Variants in SF3B3 observed in about 807,000 individuals in gnomAD.
SF3B3 encodes splicing factor 3b subunit 3, also known as SAP 130.
SF3B3 carries 33 observed loss-of-function variants against 139.2 expected under a neutral mutation model. The observed-to-expected ratio is 0.24, with a 90% CI of 0.18 to 0.32. The LOEUF is 0.32. Ranked by LOEUF, SF3B3 falls within the 10% of genes least tolerant of loss-of-function variation. The pLI is 1.00. For synonymous variants in SF3B3, 596 were observed against 563.6 expected (o/e 1.06, Z -0.81); for missense variants, 818 against 1,509.4 (o/e 0.54, Z 7.59).
intron 2 of SF3B3, among the ~76,000 whole-genome samples, chr16:70,527,281 G>T (rs1000856438): frequency 6.6e-6 from 1 of 152,216 alleles, no homozygotes; most frequent in African/African-American, 2.4e-5. Flanking sequence ...GGTTTGAATT[G>T]TGTGAAATTT....
Position 70,560,069 on chromosome 16 carries a change from C to A in SF3B3, c.2011-400C>A, listed in dbSNP as rs535751770. Reference sequence around the variant, plus strand: ...TATCCCCACATGTGTCTGGAACATTCTTGCCCCTGCCCCAAACTAGTCATT... The same window carrying A: ...TATCCCCACATGTGTCTGGAACATTATTGCCCCTGCCCCAAACTAGTCATT... On this transcript the variant is annotated intron_variant, in intron 15 of 25. Coordinates refer to ENST00000302516, the MANE Select transcript of SF3B3 (RefSeq NM_012426.5). 1.8e-4 allele frequency among the ~76,000 whole-genome samples: 28 copies of A among 152,306 alleles called. 1 individual carries two copies. Among genetic ancestry groups the A allele is most frequent in the Admixed American group, 1.7e-3 (26 of 15,302 alleles).
At chr16:70,557,955 A>G (rs182856832) in intron 15 of SF3B3, among the ~76,000 whole-genome samples, 8 of 152,234 alleles carry the variant, frequency 5.3e-5, no homozygotes, top group African/African-American at 1.9e-4. Context: ...CTTTCCCCCA[A>G]TGTGGCTTTA....
At chr16:70,561,461 A>T in intron 16 of SF3B3, 169 bp from the exon 17 acceptor site, 1 of 617,806 alleles carries the variant, frequency 1.6e-6, no homozygotes, top group East Asian at 2.7e-5. Context: ...ATGCTAAGCC[A>T]TAGTGCCTCT....
At position 70,523,938 on chromosome 16, in the gene SF3B3, CAGCCTGGAGACTTCCCCGGG is replaced by C. The variant is rs1375215227; in HGVS notation, c.-71+11_-71+30del. ...TCCTTCTCGCTGCAGGGTAAAAAAA[CAGCCTGGAGACTTCCCCGGG>C]CCCGGGGAGGCGGAGACCGGCCATA... On this transcript the variant is annotated intron_variant, in intron 1 of 25. Transcript: ENST00000302516. The C allele has an allele frequency of 1.8e-5, 8 of 434,254 alleles. No homozygotes were observed. The highest frequency in any genetic ancestry group is 2.8e-5 in the Non-Finnish European group (7 of 246,952). The allele number at this position is 434,254 out of a possible 1,614,324, so 26.9% of individuals were successfully genotyped here.
In SF3B3 at chr16:70,557,004, T is replaced by G; in HGVS notation, c.1985T>G (p.Phe662Cys). The G allele has an allele frequency of 6.2e-7, 1 of 1,612,672 alleles. No homozygotes were observed. ...CTGGGTGAGAGGGGCTCGATTGGCT[T>G]CCTATACCTGAATATTGGGCTACAG... ...DELGERGSIGFLYLNIGLQNG... is the reference protein window; with the variant it reads ...DELGERGSIGCLYLNIGLQNG... Residue 662 changes from phenylalanine to cysteine, a missense_variant, in exon 15 of 26, where the codon TTC becomes TGC. By Grantham distance (205) the Phe-to-Cys change is radical (BLOSUM62 -2). Coordinates refer to ENST00000302516, the MANE Select transcript of SF3B3 (RefSeq NM_012426.5).
In SF3B3 at chr16:70,535,416, G is replaced by A; in HGVS notation, c.821G>A (p.Arg274Lys). 6.4e-7 allele frequency: 1 copy of A among 1,571,916 alleles called. No homozygotes were observed. The highest frequency in any genetic ancestry group is 8.7e-7 in the Non-Finnish European group (1 of 1,144,188). The change falls in exon 6 of 26, where the codon AGG becomes AAG. Residue 274 changes from arginine to lysine, a missense_variant. This residue lies in a region of SF3B3 where 80 missense variants were observed against 206.5 expected (regional missense o/e 0.39). Coordinates refer to ENST00000302516, the MANE Select transcript of SF3B3 (RefSeq NM_012426.5). ...QPDIRCPIPR[R>K]RNDLDDPERG... Reference sequence around the variant, plus strand: ...GATATCCGCTGTCCAATTCCCAGGAGGCGGGTAAGATCTTTGATATAAGAA... The same window carrying A: ...GATATCCGCTGTCCAATTCCCAGGAAGCGGGTAAGATCTTTGATATAAGAA...
chr16:70,548,457 C>T lies in SF3B3; in HGVS notation c.1402+15C>T, dbSNP rs770674418. The T allele has an allele frequency of 6.2e-7, 1 of 1,611,362 alleles. No homozygotes were observed. Among genetic ancestry groups the T allele is most frequent in the South Asian group, 1.1e-5 (1 of 91,024 alleles). ...ACACATTGAAGGTAAGCAGCTTTTT[C>T]CCAATAGTCAAAATGAGGATCTAGG... On this transcript the variant is annotated intron_variant, in intron 11 of 25. Transcript: ENST00000302516.
At chr16:70,555,586 A>G (rs1567420089) in intron 13 of SF3B3, among the ~76,000 whole-genome samples, 1 of 151,944 alleles carries the variant, frequency 6.6e-6, no homozygotes, top group Non-Finnish European at 1.5e-5. Context: ...AATTCTAGGT[A>G]GAGTTATGAA....
In SF3B3 at chr16:70,526,602, T is replaced by TA. The variant is rs1194063770; in HGVS notation, c.-54dup. On this transcript the variant is annotated 5_prime_UTR_variant, in exon 2 of 26. Transcript: ENST00000302516. ...GTTTTCTTAGCTTTCTTGGACTCCGTACTGTTGGTGTAACCAAGGCCTGGA... is the reference window on the plus strand; with the variant it reads ...GTTTTCTTAGCTTTCTTGGACTCCGTAACTGTTGGTGTAACCAAGGCCTGGA... 114 of 1,257,286 alleles carry TA rather than the reference T, an allele frequency of 9.1e-5. No individual in the cohort carries two copies. The highest frequency in any genetic ancestry group is 1.3e-4 in the Non-Finnish European group (112 of 864,602). The allele number at this position is 1,257,286 out of a possible 1,614,324, so 77.9% of individuals were successfully genotyped here.
In SF3B3 at chr16:70,532,601, C is replaced by T. The variant is rs1306125288; in HGVS notation, c.693C>T (p.His231=). 15 of 1,614,102 alleles carry T rather than the reference C, an allele frequency of 9.3e-6. No individual in the cohort carries two copies. The highest frequency in any genetic ancestry group is 6.7e-5 in the East Asian group (3 of 44,872). Residue 231 remains histidine, a synonymous_variant, in exon 5 of 26, where the codon CAC becomes CAT. Coordinates refer to ENST00000302516, the MANE Select transcript of SF3B3 (RefSeq NM_012426.5). The part of the protein sequence containing the change: ...VRKYSEPLEE[H]GNFLITVPGG... ...AATACAGTGAACCTTTGGAGGAACACGGCAACTTCCTTATTACAGGTACTT... is the reference window on the plus strand; with the variant it reads ...AATACAGTGAACCTTTGGAGGAACATGGCAACTTCCTTATTACAGGTACTT...
Position 70,541,828 on chromosome 16 carries a change from T to C in SF3B3, c.1227T>C (p.Phe409=), listed in dbSNP as rs2050221068. ...DELDSLSPIL[F]CQIADLANED... ...TGGACAGCCTCTCTCCCATTCTGTT[T>C]TGCCAGGTTGGTGGGCCTTTCCAGC... Residue 409 remains phenylalanine, a synonymous_variant, in exon 9 of 26, where the codon TTT becomes TTC. Coordinates refer to ENST00000302516, the MANE Select transcript of SF3B3 (RefSeq NM_012426.5). The C allele has an allele frequency of 6.2e-7, 1 of 1,613,288 alleles. No homozygotes were observed. The highest frequency in any genetic ancestry group is 8.5e-7 in the Non-Finnish European group (1 of 1,179,434).
At chr16:70,530,942 G>A (rs774023066) in intron 4 of SF3B3, 25 bp downstream of exon 4, 17 of 1,576,592 alleles carry the variant, frequency 1.1e-5, no homozygotes, top group South Asian at 3.5e-5. Flanking sequence ...GTCTCTTTGC[G>A]TTTCTTTCAG....
In SF3B3 at chr16:70,548,458, C is replaced by A. The variant is rs1218823322; in HGVS notation, c.1402+16C>A. On this transcript the variant is annotated intron_variant, in intron 11 of 25. Transcript: ENST00000302516. ...CACATTGAAGGTAAGCAGCTTTTTC[C>A]CAATAGTCAAAATGAGGATCTAGGT... 1.2e-6 allele frequency: 2 copies of A among 1,611,064 alleles called. No individual in the cohort carries two copies. The highest frequency in any genetic ancestry group is 3.3e-5 in the Admixed American group (2 of 60,010).
intron 1 of SF3B3, among the ~76,000 whole-genome samples, chr16:70,525,830 G>A (rs2050056901): frequency 6.6e-6 from 1 of 151,548 alleles, no homozygotes. Context: ...GTGTGGTGGC[G>A]GGCGCCTGTT....
chr16:70,565,279 C>T lies in SF3B3; in HGVS notation c.2669+9C>T, dbSNP rs769639693. On this transcript the variant is annotated intron_variant, in intron 19 of 25. Coordinates refer to ENST00000302516, the MANE Select transcript of SF3B3 (RefSeq NM_012426.5). ...AATGAGGCAGCTTTTAGGTAAGCAG[C>T]CCAGGACAGTCCAGGGTTTGGCAGG... is the stretch of plus-strand genomic sequence containing the variant. 1.9e-6 allele frequency: 3 copies of T among 1,614,096 alleles called. No homozygotes were observed. The highest frequency in any genetic ancestry group is 1.1e-5 in the South Asian group (1 of 91,084).
At chr16:70,540,957 T>C (rs2050214284) in intron 8 of SF3B3, among the ~76,000 whole-genome samples, 1 of 152,226 alleles carries the variant, frequency 6.6e-6, no homozygotes, top group South Asian at 2.1e-4. Context: ...TTTTTGGGTA[T>C]ATATGTAGGA....
In SF3B3 at chr16:70,571,076, T is replaced by A; in HGVS notation, c.3409-19T>A. ...TTGAAATCACTTCTCAGTGACAGAT[T>A]TTTTGTTTCTTCTGCCAGGACCATG... is the stretch of plus-strand genomic sequence containing the variant. On this transcript the variant is annotated intron_variant, in intron 24 of 25. Transcript: ENST00000302516. 1 of 1,587,582 alleles carries A rather than the reference T, an allele frequency of 6.3e-7. No individual in the cohort carries two copies. Among genetic ancestry groups the A allele is most frequent in the Non-Finnish European group, 8.7e-7 (1 of 1,155,928 alleles).
At chr16:70,532,383 C>T (rs2151776775) in intron 4 of SF3B3, 96 bp from the exon 5 acceptor site, 1 of 747,732 alleles carries the variant, frequency 1.3e-6, no homozygotes. Flanking sequence ...CATTTGTGGA[C>T]TTCTGTTTCC....
chr16:70,564,913 T>C, intron 18 of SF3B3, 152 bp from the exon 19 acceptor site: 2 of 682,516 alleles, frequency 2.9e-6, no homozygotes, highest in Non-Finnish European at 5.3e-6. Context: ...CCTCTCCCTT[T>C]AATAGTCATG....
Sources: gnomAD v4.1 joint callset for allele counts (sites outside exome capture counted in the v4.1 genomes callset) on GRCh38, gnomAD v4.1.1 for gene constraint, gnomAD v4.1.1 regional missense constraint, MANE v1.5 for transcripts, NCBI Gene and HGNC (gene_info 2026-07-23, HGNC 2026-07-21) for gene names.